Variants in PCNX2 observed in about 807,000 individuals in gnomAD.
The protein encoded by PCNX2 is pecanex-like protein 2.
PCNX2 carries 168 observed loss-of-function variants against 223.8 expected under a neutral mutation model. That is an observed-to-expected ratio of 0.75 (90% CI 0.66 to 0.85). PCNX2 has a LOEUF of 0.85. Among genes scored for constraint, PCNX2 ranks in the 40% least tolerant of loss-of-function variants. PCNX2 has a pLI of 0.00. For synonymous variants in PCNX2, 1,006 were observed against 1,052.6 expected (o/e 0.96, Z 0.86); for missense variants, 2,507 against 2,675.5 (o/e 0.94, Z 1.39).
intron 19 of PCNX2, among the ~76,000 whole-genome samples, chr1:233,158,872 T>A (rs1678291057): frequency 6.6e-6 from 1 of 152,198 alleles, no homozygotes; most frequent in South Asian, 2.1e-4. Context: ...TAGAAACTGG[T>A]CTTTTTCATC....
chr1:233,133,038 A>C (rs1225765846), intron 21 of PCNX2, among the ~76,000 whole-genome samples: 1 of 151,746 alleles, frequency 6.6e-6, no homozygotes, highest in African/African-American at 2.4e-5. Flanking sequence ...AGCTGAGGCT[A>C]CAGGGGCATG....
At chr1:233,006,212 G>A (rs1448317615) in intron 28 of PCNX2, among the ~76,000 whole-genome samples, 1 of 152,166 alleles carries the variant, frequency 6.6e-6, no homozygotes, top group Non-Finnish European at 1.5e-5. Context: ...ATGACGATGA[G>A]GAGCTAACAC....
At chr1:233,034,081 G>A (rs940914566) in intron 25 of PCNX2, among the ~76,000 whole-genome samples, 3 of 152,058 alleles carry the variant, frequency 2.0e-5, no homozygotes, top group Admixed American at 6.5e-5. Flanking sequence ...GCGTGGTGGC[G>A]TGCACCTGTA....
At chr1:233,208,459 A>G (rs1681614330) in intron 13 of PCNX2, 59 bp downstream of exon 13, 5 of 1,502,888 alleles carry the variant, frequency 3.3e-6, no homozygotes, top group Non-Finnish European at 4.5e-6. Context: ...TTCAGAAGAC[A>G]AAGGGGAGAC....
At chr1:233,271,561 T>G (rs1005515752) in intron 1 of PCNX2, among the ~76,000 whole-genome samples, 2 of 152,214 alleles carry the variant, frequency 1.3e-5, no homozygotes, top group African/African-American at 2.4e-5. Flanking sequence ...CAGTTAATTT[T>G]AAGCAACATT....
chr1:233,157,836 C>T (rs980044332), intron 19 of PCNX2, among the ~76,000 whole-genome samples: 13 of 152,018 alleles, frequency 8.6e-5, no homozygotes, highest in Non-Finnish European at 1.6e-4. Context: ...ATCTGTTTTT[C>T]GTCATGTGCC....
At chr1:233,214,500 G>A (rs1043676261) in intron 12 of PCNX2, among the ~76,000 whole-genome samples, 1 of 152,188 alleles carries the variant, frequency 6.6e-6, no homozygotes. Flanking sequence ...TGCTGTCCCA[G>A]CCAGTAGAGG....
chr1:233,156,653 C>G (rs999298077), intron 19 of PCNX2, among the ~76,000 whole-genome samples: 1 of 152,120 alleles, frequency 6.6e-6, no homozygotes, highest in Non-Finnish European at 1.5e-5. Context: ...CACGGTGGCT[C>G]ATGCTTGTAA....
the PCNX2 span, among the ~76,000 whole-genome samples, chr1:233,319,763 G>C: frequency 6.6e-6 from 1 of 152,104 alleles, no homozygotes; most frequent in Non-Finnish European, 1.5e-5. Context: ...AAACCTCAAA[G>C]AGTTTTTGTG....
intron 1 of PCNX2, among the ~76,000 whole-genome samples, chr1:233,264,051 T>A (rs1660204425): frequency 6.6e-6 from 1 of 152,046 alleles, no homozygotes; most frequent in South Asian, 2.1e-4. Flanking sequence ...CAGAGACAAA[T>A]GATCTGAGCA....
the PCNX2 span, among the ~76,000 whole-genome samples, chr1:233,324,192 G>A: frequency 2.0e-5 from 3 of 152,220 alleles, no homozygotes; most frequent in African/African-American, 4.8e-5. Flanking sequence ...TGGCTTATGA[G>A]GTTTAAGGAA....
intron 17 of PCNX2, among the ~76,000 whole-genome samples, chr1:233,175,523 T>C (rs937125372): frequency 2.0e-5 from 3 of 152,182 alleles, no homozygotes; most frequent in East Asian, 1.9e-4. Context: ...TCAAGGAAGA[T>C]TGAAGGGCAT....
At chr1:233,033,847 T>C (rs1671353285) in intron 25 of PCNX2, among the ~76,000 whole-genome samples, 1 of 152,182 alleles carries the variant, frequency 6.6e-6, no homozygotes, top group Non-Finnish European at 1.5e-5. Flanking sequence ...GTATAATTTC[T>C]GCAATGGACT....
intron 26 of PCNX2, among the ~76,000 whole-genome samples, chr1:233,018,399 C>A (rs1001809128): frequency 1.3e-5 from 2 of 152,126 alleles, no homozygotes; most frequent in Non-Finnish European, 2.9e-5. Context: ...CCTGAGTGCC[C>A]AGACAGTGGA....
chr1:233,281,498 T>C (rs923568730), intron 1 of PCNX2, among the ~76,000 whole-genome samples: 1 of 152,226 alleles, frequency 6.6e-6, no homozygotes, highest in East Asian at 1.9e-4. Flanking sequence ...CTATACTTAA[T>C]ATCAGTCAGT....
At chr1:233,152,218 T>C (rs1205728787) in intron 19 of PCNX2, among the ~76,000 whole-genome samples, 1 of 152,130 alleles carries the variant, frequency 6.6e-6, no homozygotes, top group African/African-American at 2.4e-5. Flanking sequence ...GACAGGCTGG[T>C]TTCTAAAAAC....
At chr1:233,234,527 C>T (rs1658271041) in intron 9 of PCNX2, among the ~76,000 whole-genome samples, 2 of 152,162 alleles carry the variant, frequency 1.3e-5, no homozygotes, top group South Asian at 4.1e-4. Flanking sequence ...TATAGGATTA[C>T]AAATGTAAAA....
chr1:233,257,172 A>G (rs537709732), intron 5 of PCNX2, among the ~76,000 whole-genome samples: 2 of 152,344 alleles, frequency 1.3e-5, no homozygotes, highest in Admixed American at 6.5e-5. Flanking sequence ...ATCTTCATAT[A>G]GGAAATATCA....
At chr1:233,149,062 G>T (rs1476563526) in intron 19 of PCNX2, among the ~76,000 whole-genome samples, 6 of 152,166 alleles carry the variant, frequency 3.9e-5, no homozygotes, top group African/African-American at 1.4e-4. Context: ...AAGTCAAAAA[G>T]AAAGTCTGCA....
Sources: allele counts gnomAD v4.1 joint callset (sites outside exome capture counted in the v4.1 genomes callset), GRCh38; gene constraint gnomAD v4.1.1; transcripts MANE v1.5; gene names NCBI Gene and HGNC (gene_info 2026-07-23, HGNC 2026-07-21).